WASF3: variants seen among roughly 807,000 people sequenced by gnomAD.
The protein encoded by WASF3 is WASP family member 3, also known as actin-binding protein WASF3.
Under a neutral mutation model 46.6 loss-of-function variants are expected in WASF3, and 11 were observed. The ratio of observed to expected loss-of-function variants is 0.24; its 90% confidence interval spans 0.15 to 0.39. WASF3 has a LOEUF of 0.39. Among genes scored for constraint, WASF3 ranks in the 10% least tolerant of loss-of-function variants. The probability of loss-of-function intolerance (pLI) is 1.00; values close to 1 mark genes in which losing one functional copy is unlikely to be tolerated. For synonymous variants in WASF3, 242 were observed against 259.7 expected (o/e 0.93, Z 0.65); for missense variants, 576 against 669.8 (o/e 0.86, Z 1.55).
intron 1 of WASF3, among the ~76,000 whole-genome samples, chr13:26,578,665 C>T (rs114297746): frequency 0.021 from 3,123 of 152,268 alleles, 111 homozygotes; most frequent in African/African-American, 0.071. Context: ...CCCTCTCCCT[C>T]CTGCTCCTTC....
At chr13:26,662,122 G>C (rs187515249) in intron 3 of WASF3, among the ~76,000 whole-genome samples, 1 of 152,320 alleles carries the variant, frequency 6.6e-6, no homozygotes, top group East Asian at 1.9e-4. Flanking sequence ...AGTTAGAAAG[G>C]CTACTATTAA....
rs77279944 is a variant in WASF3, at chr13:26,591,439, G to A, written c.-108-21522G>A. Among the ~76,000 whole-genome samples the A allele has an allele frequency of 3.7e-3, 567 of 152,142 alleles. 2 individuals carry two copies. Among genetic ancestry groups the A allele is most frequent in the African/African-American group, 0.012 (502 of 41,512 alleles). The stretch of plus-strand genomic sequence containing the variant: ...GTGGGGGAAGCAGTAGGATTTTGAT[G>A]TATTTAGAAGGTGGAAACACTAGTA... On this transcript the variant is annotated intron_variant, in intron 1 of 9. Transcript: ENST00000335327.
intron 1 of WASF3, among the ~76,000 whole-genome samples, chr13:26,612,461 T>C (rs1225029456): frequency 6.6e-6 from 1 of 152,210 alleles, no homozygotes; most frequent in Non-Finnish European, 1.5e-5. Context: ...AGTTATTAAA[T>C]CTGTTACTAT....
At chr13:26,664,102 G>C (rs1882705295) in intron 3 of WASF3, among the ~76,000 whole-genome samples, 1 of 152,178 alleles carries the variant, frequency 6.6e-6, no homozygotes, top group African/African-American at 2.4e-5. Context: ...ACAGAAAGTG[G>C]CTGTGAAAGC....
intron 1 of WASF3, among the ~76,000 whole-genome samples, chr13:26,593,541 T>C (rs577314463): frequency 2.0e-3 from 306 of 152,332 alleles, no homozygotes; most frequent in African/African-American, 6.9e-3. Flanking sequence ...TTTTATGTAA[T>C]TGATAATATT....
chr13:26,677,239 T>A lies in WASF3; in HGVS notation c.716+515T>A, dbSNP rs142916629. On this transcript the variant is annotated intron_variant, in intron 7 of 9. Transcript: ENST00000335327. ...TATATTCTGATTTCAGGAGAAGAAT[T>A]CTATTGGCGTTTACTTAAAAATTTA... Among the ~76,000 whole-genome samples, 3 of 152,336 alleles carry A rather than the reference T, an allele frequency of 2.0e-5. No homozygotes were observed. In the East Asian group the frequency reaches 5.8e-4, roughly 29 times the overall value.
intron 2 of WASF3, among the ~76,000 whole-genome samples, chr13:26,632,504 G>A (rs919118208): frequency 2.4e-4 from 36 of 152,324 alleles, no homozygotes; most frequent in African/African-American, 7.9e-4. Context: ...AACCAGCCTT[G>A]CATCCCAGGC....
intron 3 of WASF3, among the ~76,000 whole-genome samples, chr13:26,652,885 T>G (rs1882354387): frequency 7.5e-6 from 1 of 133,928 alleles, no homozygotes; most frequent in Non-Finnish European, 1.6e-5. Context: ...GAAGAAAGGT[T>G]TAAAATCATG....
At chr13:26,539,984 CT>C in the WASF3 span, among the ~76,000 whole-genome samples, 2 of 152,102 alleles carry the variant, frequency 1.3e-5, no homozygotes, top group Non-Finnish European at 2.9e-5. Flanking sequence ...AACAGAGTGT[CT>C]GGGGGGTGTG....
intron 7 of WASF3, chr13:26,680,076 A>C: frequency 1.9e-6 from 3 of 1,597,964 alleles, no homozygotes; most frequent in Non-Finnish European, 2.5e-6. Flanking sequence ...ACCAGCAAGT[A>C]AATGTGAGAA....
intron 1 of WASF3, among the ~76,000 whole-genome samples, chr13:26,603,623 T>A (rs887105727): frequency 9.9e-5 from 15 of 152,140 alleles, no homozygotes; most frequent in African/African-American, 3.6e-4. Context: ...GGCCAGAGTT[T>A]GAGACCAGCC....
intron 1 of WASF3, among the ~76,000 whole-genome samples, chr13:26,564,900 G>GTTT (rs66809412): frequency 0.031 from 2,519 of 81,482 alleles, 149 homozygotes; most frequent in African/African-American, 0.082. Flanking sequence ...CAAGGTTGTG[G>GTTT]TTTTTTTTTT....
intron 2 of WASF3, among the ~76,000 whole-genome samples, chr13:26,631,365 G>T (rs976767419): frequency 1.8e-4 from 27 of 152,306 alleles, no homozygotes; most frequent in Non-Finnish European, 3.2e-4. Context: ...ATAAGGAAGG[G>T]ATCCAGTTTT....
intron 2 of WASF3, among the ~76,000 whole-genome samples, chr13:26,637,008 T>A (rs1234365074): frequency 6.6e-6 from 1 of 152,222 alleles, no homozygotes; most frequent in Non-Finnish European, 1.5e-5. Flanking sequence ...TGCCACCCTC[T>A]GGAGCATGTG....
chr13:26,641,812 G>C (rs1380657188), intron 2 of WASF3: 1 of 152,224 alleles, frequency 6.6e-6, no homozygotes, highest in African/African-American at 2.4e-5. Flanking sequence ...CAGGCTTCAA[G>C]ACTCGGAGGG....
intron 2 of WASF3, among the ~76,000 whole-genome samples, chr13:26,624,396 A>G (rs1489277730): frequency 6.6e-6 from 1 of 152,200 alleles, no homozygotes. Context: ...AAAAGAAGAA[A>G]CAAGGAAAGA....
chr13:26,568,018 T>A (rs749385738), intron 1 of WASF3, among the ~76,000 whole-genome samples: 1 of 151,746 alleles, frequency 6.6e-6, no homozygotes, highest in Non-Finnish European at 1.5e-5. Flanking sequence ...AGTGCCCCCT[T>A]GAGATACCGA....
At chr13:26,659,792 T>C (rs1368585436) in intron 3 of WASF3, among the ~76,000 whole-genome samples, 1 of 152,140 alleles carries the variant, frequency 6.6e-6, no homozygotes, top group Non-Finnish European at 1.5e-5. Context: ...CCCTAAAGTC[T>C]GTGACTGGAG....
intron 9 of WASF3, 129 bp from the exon 10 acceptor site, chr13:26,685,559 C>A: frequency 1.7e-6 from 2 of 1,166,586 alleles, no homozygotes; most frequent in Admixed American, 2.7e-5. Context: ...CTTTTCTCCC[C>A]TCAAATTTCT....
Sources: allele counts gnomAD v4.1 joint callset (sites outside exome capture counted in the v4.1 genomes callset), GRCh38; gene constraint gnomAD v4.1.1; transcripts MANE v1.5; gene names NCBI Gene and HGNC (gene_info 2026-07-23, HGNC 2026-07-21).